FSTL5: variants seen among roughly 807,000 people sequenced by gnomAD.
FSTL5 encodes follistatin-related protein 5.
FSTL5 carries 62 observed loss-of-function variants against 89.1 expected under a neutral mutation model. That is an observed-to-expected ratio of 0.70 (90% CI 0.57 to 0.86). The LOEUF is 0.86. Ranked by LOEUF, FSTL5 falls within the 40% of genes least tolerant of loss-of-function variation. FSTL5 has a pLI of 0.00. For synonymous variants in FSTL5, 383 were observed against 346.2 expected (o/e 1.11, Z -1.18); for missense variants, 1,057 against 1,001.6 (o/e 1.06, Z -0.75).
intron 6 of FSTL5, among the ~76,000 whole-genome samples, chr4:161,754,874 A>G (rs763665839): frequency 6.6e-6 from 1 of 152,122 alleles, no homozygotes; most frequent in East Asian, 1.9e-4. Flanking sequence ...TAATGTTATA[A>G]TTTGATTAAA....
At chr4:162,033,742 T>C (rs1737626736) in intron 2 of FSTL5, 84 bp from the exon 3 acceptor site, 1 of 711,972 alleles carries the variant, frequency 1.4e-6, no homozygotes, top group East Asian at 2.9e-5. Flanking sequence ...TATAGAAGTA[T>C]CAAAATGATT....
chr4:161,514,150 T>C (rs564128800), intron 10 of FSTL5, among the ~76,000 whole-genome samples: 1 of 152,136 alleles, frequency 6.6e-6, no homozygotes, highest in East Asian at 1.9e-4. Flanking sequence ...CAGGGATATT[T>C]AAATTAATAA....
At chr4:162,104,355 C>T (rs1731125456) in intron 2 of FSTL5, among the ~76,000 whole-genome samples, 1 of 152,200 alleles carries the variant, frequency 6.6e-6, no homozygotes, top group South Asian at 2.1e-4. Flanking sequence ...ATCCATGAGG[C>T]CAAGAACCCC....
chr4:161,652,934 G>A (rs1335995426), intron 7 of FSTL5, among the ~76,000 whole-genome samples: 1 of 152,050 alleles, frequency 6.6e-6, no homozygotes, highest in Non-Finnish European at 1.5e-5. Flanking sequence ...AATAGATAAT[G>A]TACTTCTAGG....
chr4:161,538,352 C>A, intron 9 of FSTL5, 52 bp from the exon 10 acceptor site: 1 of 1,597,662 alleles, frequency 6.3e-7, no homozygotes, highest in Non-Finnish European at 8.6e-7. Context: ...AGTTTTGGAA[C>A]AGTGCTTTCT....
intron 5 of FSTL5, among the ~76,000 whole-genome samples, chr4:161,760,082 A>C (rs1740732419): frequency 6.6e-6 from 1 of 151,858 alleles, no homozygotes; most frequent in East Asian, 1.9e-4. Context: ...TTGGTCACAA[A>C]AGAGCTATTA....
intron 4 of FSTL5, among the ~76,000 whole-genome samples, chr4:161,883,764 C>G (rs1165323196): frequency 1.3e-5 from 2 of 152,142 alleles, no homozygotes; most frequent in African/African-American, 4.8e-5. Flanking sequence ...CAGAGCTTCA[C>G]ACGTCTGAGA....
At chr4:161,736,348 A>C (rs1440831330) in intron 6 of FSTL5, among the ~76,000 whole-genome samples, 2 of 152,130 alleles carry the variant, frequency 1.3e-5, no homozygotes, top group African/African-American at 4.8e-5. Context: ...TATTACATAA[A>C]TTTACTCTAA....
intron 3 of FSTL5, among the ~76,000 whole-genome samples, chr4:161,926,861 A>G (rs1162608050): frequency 6.6e-6 from 1 of 151,866 alleles, no homozygotes; most frequent in African/African-American, 2.4e-5. Context: ...GAAAGGACTT[A>G]TTTAGATGAT....
intron 8 of FSTL5, among the ~76,000 whole-genome samples, chr4:161,585,653 T>G (rs1172807027): frequency 6.6e-6 from 1 of 150,974 alleles, no homozygotes; most frequent in African/African-American, 2.4e-5. Context: ...AGTAAGCATT[T>G]ACCACAAAAT....
At chr4:161,861,377 G>C (rs904646209) in intron 4 of FSTL5, among the ~76,000 whole-genome samples, 1 of 151,828 alleles carries the variant, frequency 6.6e-6, no homozygotes, top group Non-Finnish European at 1.5e-5. Flanking sequence ...AGCTGAAATA[G>C]CTCCACTGCA....
intron 10 of FSTL5, among the ~76,000 whole-genome samples, chr4:161,532,346 A>G (rs1731440962): frequency 6.6e-6 from 1 of 152,304 alleles, no homozygotes; most frequent in East Asian, 1.9e-4. Flanking sequence ...TATTAAAGAT[A>G]AGAAAACTAA....
At chr4:161,870,434 G>A (rs1732228187) in intron 4 of FSTL5, among the ~76,000 whole-genome samples, 1 of 152,046 alleles carries the variant, frequency 6.6e-6, no homozygotes, top group Non-Finnish European at 1.5e-5. Flanking sequence ...TATAGTGGAA[G>A]TTCAAAATAT....
chr4:161,763,892 G>A (rs574083670), intron 5 of FSTL5, among the ~76,000 whole-genome samples: 1 of 152,250 alleles, frequency 6.6e-6, no homozygotes, highest in South Asian at 2.1e-4. Flanking sequence ...CTCCCATACA[G>A]TCAATATAAG....
At chr4:162,088,303 A>G (rs1730402848) in intron 2 of FSTL5, among the ~76,000 whole-genome samples, 1 of 151,994 alleles carries the variant, frequency 6.6e-6, no homozygotes. Context: ...TCTTTTTTAT[A>G]CAGAAATGTA....
chr4:161,690,766 G>C (rs866102625), intron 6 of FSTL5, among the ~76,000 whole-genome samples: 6 of 152,108 alleles, frequency 3.9e-5, no homozygotes, highest in South Asian at 2.1e-4. Flanking sequence ...GTTTAACCTA[G>C]TACCCATTAG....
intron 8 of FSTL5, among the ~76,000 whole-genome samples, chr4:161,581,328 A>G (rs1301397165): frequency 6.6e-6 from 1 of 152,212 alleles, no homozygotes; most frequent in African/African-American, 2.4e-5. Flanking sequence ...GAGCTAGGGT[A>G]ACCCTCTAGC....
intron 3 of FSTL5, among the ~76,000 whole-genome samples, chr4:161,968,980 C>CAT (rs1451779932): frequency 6.6e-6 from 1 of 151,044 alleles, no homozygotes; most frequent in Non-Finnish European, 1.5e-5. Flanking sequence ...CACACACACA[C>CAT]ACACACACAC....
At chr4:161,404,951 C>G (rs1270038912) in intron 15 of FSTL5, among the ~76,000 whole-genome samples, 4 of 152,112 alleles carry the variant, frequency 2.6e-5, no homozygotes, top group Non-Finnish European at 5.9e-5. Flanking sequence ...TTGCTCGTAG[C>G]TGGGGGCGGT....
Sources: allele counts gnomAD v4.1 joint callset (sites outside exome capture counted in the v4.1 genomes callset), GRCh38; gene constraint gnomAD v4.1.1; transcripts MANE v1.5; gene names NCBI Gene and HGNC (gene_info 2026-07-23, HGNC 2026-07-21).